Variants in RASA1 observed in about 807,000 individuals in gnomAD.
RASA1 encodes RAS p21 protein activator 1.
RASA1 carries 25 observed loss-of-function variants against 132.2 expected under a neutral mutation model. The ratio of observed to expected loss-of-function variants is 0.19; its 90% CI spans 0.14 to 0.26. The LOEUF (loss-of-function observed/expected upper bound fraction) is 0.26, where lower values mean the gene tolerates loss of function less well. Among genes scored for constraint, RASA1 ranks in the 10% least tolerant of loss-of-function variants. The pLI is 1.00. For missense variants in RASA1, 964 were observed against 1,299.2 expected, an observed-to-expected ratio of 0.74 and a Z score of 3.97; for synonymous variants, 477 against 449.9, an observed-to-expected ratio of 1.06 and a Z score of -0.76.
intron 21 of RASA1, among the ~76,000 whole-genome samples, chr5:87,384,837 A>T (rs1761957928): frequency 6.6e-6 from 1 of 152,248 alleles, no homozygotes; most frequent in African/African-American, 2.4e-5. Context: ...CAGAGGTCCT[A>T]GACTTTATCT....
chr5:87,360,417 A>G lies in RASA1; in HGVS notation c.1333-2134A>G, dbSNP rs969923774. On this transcript the variant is annotated intron_variant, in intron 9 of 24. Transcript: ENST00000274376. ...GGGATTAAAGGCGTGAGCAAAATGC[A>G]GTACTTTTGAAAACTCTGATGGCTC... is the stretch of plus-strand genomic sequence containing the variant. Among the ~76,000 whole-genome samples the G allele has an allele frequency of 3.3e-5, 5 of 152,190 alleles. No individual in the cohort carries two copies. The East Asian group carries it at 9.6e-4, about 29-fold the overall frequency.
chr5:87,337,001 G>A (rs1372920613), intron 4 of RASA1, among the ~76,000 whole-genome samples: 1 of 152,006 alleles, frequency 6.6e-6, no homozygotes, highest in Admixed American at 6.6e-5. Context: ...AAGCTTTCAA[G>A]GATAGGAGAA....
At chr5:87,287,026 TACCATATATATACAC>T (rs1754613788) in intron 1 of RASA1, among the ~76,000 whole-genome samples, 1 of 147,178 alleles carries the variant, frequency 6.8e-6, no homozygotes, top group Admixed American at 6.8e-5. Flanking sequence ...ACCATATATA[TACCATATATATACAC>T]ACCATATATA....
At chr5:87,346,770 TA>T in intron 7 of RASA1, 46 bp downstream of exon 7, 1 of 1,386,214 alleles carries the variant, frequency 7.2e-7, no homozygotes. Flanking sequence ...TTAAAGAGAA[TA>T]AAAAAGTGAA....
At chr5:87,380,418 T>C (rs1761627717) in intron 19 of RASA1, 91 bp from the exon 20 acceptor site, 2 of 1,129,882 alleles carry the variant, frequency 1.8e-6, no homozygotes, top group Admixed American at 1.7e-5. Flanking sequence ...TATTGAACTG[T>C]GGTATATTTG....
intron 18 of RASA1, 96 bp downstream of exon 18, chr5:87,378,634 A>G: frequency 7.7e-7 from 1 of 1,297,876 alleles, no homozygotes; most frequent in Non-Finnish European, 1.1e-6. Context: ...AATATATTAA[A>G]TTTCTAAAAT....
intron 1 of RASA1, chr5:87,269,365 A>G (rs1413817661): frequency 6.8e-7 from 1 of 1,478,178 alleles, no homozygotes; most frequent in Non-Finnish European, 9.1e-7. Context: ...GTTACTTGAT[A>G]AAGCTAGATG....
chr5:87,302,530 T>G (rs1000128628), intron 1 of RASA1, among the ~76,000 whole-genome samples: 3 of 150,862 alleles, frequency 2.0e-5, no homozygotes, highest in African/African-American at 7.3e-5. Flanking sequence ...ATTTTATCAG[T>G]TTTTTCTCTC....
intron 4 of RASA1, among the ~76,000 whole-genome samples, chr5:87,335,189 T>TA (rs1229845927): frequency 6.6e-6 from 1 of 151,966 alleles, no homozygotes; most frequent in Non-Finnish European, 1.5e-5. Context: ...GCTTAGCTGT[T>TA]ACTTTTGTGC....
intron 18 of RASA1, 77 bp from the exon 19 acceptor site, chr5:87,379,658 T>C (rs2112498485): frequency 6.4e-7 from 1 of 1,558,648 alleles, no homozygotes; most frequent in East Asian, 2.4e-5. Flanking sequence ...TCGAAAACTA[T>C]AACTACTTGT....
chr5:87,286,850 T>C (rs111304295), intron 1 of RASA1, among the ~76,000 whole-genome samples: 4,762 of 150,232 alleles, frequency 0.032, 153 homozygotes, highest in African/African-American at 0.074. Context: ...CATATATATA[T>C]ACACCATATA....
At chr5:87,356,497 C>T (rs1166540503) in intron 9 of RASA1, among the ~76,000 whole-genome samples, 1 of 151,980 alleles carries the variant, frequency 6.6e-6, no homozygotes, top group Non-Finnish European at 1.5e-5. Flanking sequence ...TCAAGCAATC[C>T]TCCTGCCTCA....
chr5:87,292,234 A>G (rs956421754), intron 1 of RASA1, among the ~76,000 whole-genome samples: 1 of 152,172 alleles, frequency 6.6e-6, no homozygotes, highest in Non-Finnish European at 1.5e-5. Flanking sequence ...CTGAGAAGGC[A>G]TCACCATAGC....
At chr5:87,326,008 G>C (rs1421281760) in intron 1 of RASA1, among the ~76,000 whole-genome samples, 1 of 151,846 alleles carries the variant, frequency 6.6e-6, no homozygotes, top group East Asian at 1.9e-4. Flanking sequence ...GTCTCTCTCT[G>C]TTGCCCAGTC....
At chr5:87,271,117 A>G (rs1441374620) in intron 1 of RASA1, among the ~76,000 whole-genome samples, 2 of 152,080 alleles carry the variant, frequency 1.3e-5, no homozygotes, top group Non-Finnish European at 2.9e-5. Context: ...GGGTGCCTGT[A>G]ATCCCAGCTT....
chr5:87,386,250 A>T (rs1212990327), intron 22 of RASA1, among the ~76,000 whole-genome samples: 2 of 151,984 alleles, frequency 1.3e-5, no homozygotes, highest in African/African-American at 2.4e-5. Context: ...ATTTTAAAAG[A>T]GTGTGTTAAT....
Position 87,391,671 on chromosome 5 carries a change from T to TACCA in RASA1, c.*790_*793dup. On this transcript the variant is annotated 3_prime_UTR_variant, in exon 25 of 25. Coordinates refer to ENST00000274376, the MANE Select transcript of RASA1 (RefSeq NM_002890.3). ...TTACCCATTCAACCATTTTATAGAC[T>TACCA]ACCAATTTCTTTTATGTTAACTAGA... The TACCA allele has an allele frequency of 4.3e-6, 1 of 233,034 alleles. No homozygotes were observed. Among genetic ancestry groups the TACCA allele is most frequent in the Non-Finnish European group, 8.5e-6 (1 of 117,758 alleles). The allele number at this position is 233,034 out of a possible 1,614,324, so 14.4% of individuals were successfully genotyped here.
intron 1 of RASA1, among the ~76,000 whole-genome samples, chr5:87,285,097 C>G (rs1754489836): frequency 6.8e-6 from 1 of 148,086 alleles, no homozygotes; most frequent in African/African-American, 2.5e-5. Flanking sequence ...GAGATGGAGT[C>G]TTGTTCTGTC....
intron 1 of RASA1, among the ~76,000 whole-genome samples, chr5:87,281,146 T>A (rs1754300648): frequency 6.6e-6 from 1 of 152,264 alleles, no homozygotes; most frequent in South Asian, 2.1e-4. Flanking sequence ...TTTAATTTTT[T>A]AAGGAATCAT....
Sources: allele counts gnomAD v4.1 joint callset (sites outside exome capture counted in the v4.1 genomes callset), GRCh38; gene constraint gnomAD v4.1.1; transcripts MANE v1.5; gene names NCBI Gene and HGNC (gene_info 2026-07-23, HGNC 2026-07-21).